The following USP6NL variants were observed in gnomAD, a reference collection of about 807,000 sequenced individuals.
USP6NL encodes USP6 N-terminal like, also known as USP6 N-terminal-like protein.
In USP6NL, 26 loss-of-function variants were observed where a neutral mutation model predicts 61.9. That is an observed-to-expected ratio of 0.42 (90% confidence interval 0.31 to 0.58). The LOEUF (loss-of-function observed/expected upper bound fraction) is 0.58, where lower values mean the gene tolerates loss of function less well. Among genes scored for constraint, USP6NL ranks in the 20% least tolerant of loss-of-function variants. The pLI is 0.16. For synonymous variants in USP6NL, 432 were observed against 390.1 expected, an observed-to-expected ratio of 1.11 and a Z score of -1.27; for missense variants, 1,114 against 1,034.3, an observed-to-expected ratio of 1.08 and a Z score of -1.06.
chr10:11,581,741 T>C (rs142201241), intron 2 of USP6NL, among the ~76,000 whole-genome samples: 185 of 152,358 alleles, frequency 1.2e-3, no homozygotes, highest in African/African-American at 4.2e-3. Flanking sequence ...ATTTCCTTCA[T>C]TTCTTTGTCA....
intron 2 of USP6NL, among the ~76,000 whole-genome samples, chr10:11,570,863 A>G (rs979893885): frequency 1.3e-5 from 2 of 152,062 alleles, no homozygotes; most frequent in Non-Finnish European, 2.9e-5. Flanking sequence ...TGTTGTTCCA[A>G]TTTGCATAGT....
chr10:11,570,155 G>C (rs1255450991), intron 2 of USP6NL, among the ~76,000 whole-genome samples: 1 of 152,104 alleles, frequency 6.6e-6, no homozygotes, highest in Non-Finnish European at 1.5e-5. Flanking sequence ...CACCAAATGA[G>C]GGAAAGTTAA....
intron 2 of USP6NL, among the ~76,000 whole-genome samples, chr10:11,547,749 C>T (rs1212393790): frequency 1.3e-5 from 2 of 151,992 alleles, no homozygotes; most frequent in Non-Finnish European, 2.9e-5. Context: ...ACCGTGTTAT[C>T]CAGGATGGTC....
Position 11,525,367 on chromosome 10 carries a change from T to C in USP6NL, c.155+19A>G. On this transcript the variant is annotated intron_variant, in intron 4 of 14. Coordinates refer to ENST00000609104, the MANE Select transcript of USP6NL (RefSeq NM_014688.5). This position sits in a 1 kb window ranked among gnomAD's most constrained non-coding sequence, Gnocchi z 5.0. ...AACGTTATAATCTAAAAAGCAAGCT[T>C]TCAATCTATGTGACTTACTGTAAAA... 1 of 1,575,460 alleles carries C rather than the reference T, an allele frequency of 6.3e-7. No homozygotes were observed. Among genetic ancestry groups the C allele is most frequent in the South Asian group, 1.2e-5 (1 of 83,176 alleles).
At chr10:11,573,236 T>C (rs945568291) in intron 2 of USP6NL, among the ~76,000 whole-genome samples, 1 of 152,246 alleles carries the variant, frequency 6.6e-6, no homozygotes, top group Non-Finnish European at 1.5e-5. Flanking sequence ...TCTTCTGATG[T>C]CTGCTATGAA....
intron 1 of USP6NL, among the ~76,000 whole-genome samples, chr10:11,610,878 GT>G (rs1162791352): frequency 6.6e-6 from 1 of 152,068 alleles, no homozygotes; most frequent in Non-Finnish European, 1.5e-5. Context: ...GCGAGGAACC[GT>G]TTTCACGCAT....
chr10:11,577,086 C>G (rs546484451), intron 2 of USP6NL, among the ~76,000 whole-genome samples: 7 of 136,474 alleles, frequency 5.1e-5, no homozygotes, highest in South Asian at 4.5e-4. Context: ...TCGATGGAGT[C>G]TGGCTCTGTC....
In USP6NL at chr10:11,585,958, G is replaced by A. The variant is rs1837946371; in HGVS notation, c.4+11673C>T. 6.6e-6 allele frequency among the ~76,000 whole-genome samples: 1 copy of A among 152,156 alleles called. No homozygotes were observed. The highest frequency in any genetic ancestry group is 2.1e-4 in the South Asian group (1 of 4,834). On this transcript the variant is annotated intron_variant, in intron 2 of 14. Transcript: ENST00000609104. The surrounding 1 kb of genome is among the most constrained non-coding windows in gnomAD (Gnocchi z 4.5). The stretch of plus-strand genomic sequence containing the variant: ...GAAACAGAGCATTAGTGTTTAATGG[G>A]TACAGAGCCTCCAGTTTTTCAAAAT...
In USP6NL at chr10:11,548,668, A is replaced by C. The variant is rs930851476; in HGVS notation, c.5-21101T>G. ...CTAAGATCCTAGGACCCACTGGCAA[A>C]GACTTTCATTCTGATAAACATCAAC... is the stretch of plus-strand genomic sequence containing the variant. On this transcript the variant is annotated intron_variant, in intron 2 of 14. Transcript: ENST00000609104. The surrounding 1 kb of genome is among the most constrained non-coding windows in gnomAD (Gnocchi z 4.3). Among the ~76,000 whole-genome samples, 2 of 152,188 alleles carry C rather than the reference A, an allele frequency of 1.3e-5. No individual in the cohort carries two copies. Among genetic ancestry groups the C allele is most frequent in the African/African-American group, 2.4e-5 (1 of 41,454 alleles).
At chr10:11,588,883 G>T (rs575979414) in intron 2 of USP6NL, among the ~76,000 whole-genome samples, 1 of 152,284 alleles carries the variant, frequency 6.6e-6, no homozygotes, top group East Asian at 1.9e-4. Context: ...AGTCAGTTTG[G>T]ATATCCAGAT....
intron 2 of USP6NL, among the ~76,000 whole-genome samples, chr10:11,568,349 C>T (rs2133560892): frequency 6.6e-6 from 1 of 152,232 alleles, no homozygotes; most frequent in African/African-American, 2.4e-5. Flanking sequence ...AGATAGTAAA[C>T]ACCATGACAC....
In USP6NL at chr10:11,481,604, A is replaced by T. The variant is rs1833202341; in HGVS notation, c.1078+166T>A. Reference sequence around the variant, plus strand: ...TTAATATGTTTATTTGCCTTTCCCTAAAATAAGGAAAAAGCCAAAGCAGCT... The same window carrying T: ...TTAATATGTTTATTTGCCTTTCCCTTAAATAAGGAAAAAGCCAAAGCAGCT... On this transcript the variant is annotated intron_variant, in intron 14 of 14. Coordinates refer to ENST00000609104, the MANE Select transcript of USP6NL (RefSeq NM_014688.5). This position sits in a 1 kb window ranked among gnomAD's most constrained non-coding sequence, Gnocchi z 4.4. Among the ~76,000 whole-genome samples, 1 of 152,238 alleles carries T rather than the reference A, an allele frequency of 6.6e-6. No homozygotes were observed. The highest frequency in any genetic ancestry group is 2.4e-5 in the African/African-American group (1 of 41,462).
intron 2 of USP6NL, among the ~76,000 whole-genome samples, chr10:11,572,122 T>A (rs1837387655): frequency 6.6e-6 from 1 of 151,886 alleles, no homozygotes; most frequent in South Asian, 2.1e-4. Flanking sequence ...TCCAAGTAAC[T>A]ATGATTGTGA....
Position 11,462,212 on chromosome 10 carries a change from G to A in USP6NL, c.*229C>T, listed in dbSNP as rs911633617. On this transcript the variant is annotated 3_prime_UTR_variant, in exon 15 of 15. Coordinates refer to ENST00000609104, the MANE Select transcript of USP6NL (RefSeq NM_014688.5). ...TGCGTGCATCCCTAAATGCTATTGC[G>A]ATGTTTCCGGGTTAAATTCTAACAG... is the stretch of plus-strand genomic sequence containing the variant. 39 of 527,798 alleles carry A rather than the reference G, an allele frequency of 7.4e-5. No individual in the cohort carries two copies. Among genetic ancestry groups the A allele is most frequent in the African/African-American group, 3.6e-4 (19 of 52,710 alleles). 32.7% of individuals were successfully genotyped at this position (527,798 alleles called of 1,614,324 possible).
At chr10:11,567,638 G>A (rs915251767) in intron 2 of USP6NL, among the ~76,000 whole-genome samples, 1 of 152,196 alleles carries the variant, frequency 6.6e-6, no homozygotes, top group African/African-American at 2.4e-5. Context: ...TCTGTATTCT[G>A]TTCCAGACAT....
Position 11,525,497 on chromosome 10 carries a change from A to G in USP6NL, c.73-29T>C. On this transcript the variant is annotated intron_variant, in intron 3 of 14. Transcript: ENST00000609104. The surrounding 1 kb of genome is among the most constrained non-coding windows in gnomAD (Gnocchi z 5.0). ...AAATAAGGCACAAAAAAAGGTGTTA[A>G]TCAGAGTTTATAAAACTGAATAATT... The G allele has an allele frequency of 6.5e-7, 1 of 1,529,268 alleles. No individual in the cohort carries two copies. Among genetic ancestry groups the G allele is most frequent in the Non-Finnish European group, 8.8e-7 (1 of 1,141,272 alleles). The allele number at this position is 1,529,268 out of a possible 1,614,324, so 94.7% of individuals were successfully genotyped here.
intron 2 of USP6NL, among the ~76,000 whole-genome samples, chr10:11,584,950 G>C (rs1555174277): frequency 6.6e-6 from 1 of 151,766 alleles, no homozygotes; most frequent in Non-Finnish European, 1.5e-5. Flanking sequence ...AAAAAACAAA[G>C]AAACAAACAA....
intron 2 of USP6NL, among the ~76,000 whole-genome samples, chr10:11,547,819 G>T (rs1836338547): frequency 6.6e-6 from 1 of 152,134 alleles, no homozygotes; most frequent in African/African-American, 2.4e-5. Flanking sequence ...AGGATTACAG[G>T]CATGAGCCAC....
Position 11,562,418 on chromosome 10 carries a change from G to C in USP6NL, c.5-34851C>G, listed in dbSNP as rs1836978803. ...CCCCTTTTCCTTTTTCTTCTTGCTT[G>C]GCTCTTGGACCTAAGGATGAAGACG... On this transcript the variant is annotated intron_variant, in intron 2 of 14. Transcript: ENST00000609104. The surrounding 1 kb of genome is among the most constrained non-coding windows in gnomAD (Gnocchi z 4.8). 2 of 985,148 alleles carry C rather than the reference G, an allele frequency of 2.0e-6. No individual in the cohort carries two copies. The highest frequency in any genetic ancestry group is 3.5e-5 in the African/African-American group (2 of 57,166). The allele number at this position is 985,148 out of a possible 1,614,324, so 61.0% of individuals were successfully genotyped here. A position where few individuals can be genotyped will look rare whatever the true frequency, so the allele number is the denominator to read the frequency against.
Sources: gnomAD v4.1 joint callset for allele counts (sites outside exome capture counted in the v4.1 genomes callset) on GRCh38, gnomAD v4.1.1 for gene constraint, Gnocchi (gnomAD v3.1) non-coding constraint, MANE v1.5 for transcripts, NCBI Gene and HGNC (gene_info 2026-07-23, HGNC 2026-07-21) for gene names.